The following RBFOX1 variants were observed in gnomAD, a reference collection of about 807,000 sequenced individuals.
RBFOX1 encodes RNA binding protein fox-1 homolog 1.
Under a neutral mutation model 57.7 loss-of-function variants are expected in RBFOX1, and 8 were observed. That is an observed-to-expected ratio of 0.14 (90% CI 0.08 to 0.25). The LOEUF (loss-of-function observed/expected upper bound fraction) is 0.25, where lower values mean the gene tolerates loss of function less well. Ranked by LOEUF, RBFOX1 falls within the 10% of genes least tolerant of loss-of-function variation. The pLI, the probability that RBFOX1 is intolerant of heterozygous loss-of-function variation, is 1.00. For missense variants in RBFOX1, 611 were observed against 548.5 expected, an observed-to-expected ratio of 1.11 and a Z score of -1.14; for synonymous variants, 326 against 222.4, an observed-to-expected ratio of 1.47 and a Z score of -4.15.
intron 3 of RBFOX1, chr16:6,983,666 A>G (rs1283115164): frequency 6.6e-6 from 1 of 152,228 alleles, no homozygotes; most frequent in Non-Finnish European, 1.5e-5. Context: ...TTGGGAGAAG[A>G]GGCAAGGCCT....
chr16:6,789,803 A>G (rs1002766846), intron 3 of RBFOX1, among the ~76,000 whole-genome samples: 1 of 151,800 alleles, frequency 6.6e-6, no homozygotes, highest in Non-Finnish European at 1.5e-5. Flanking sequence ...TCCTCTTGTA[A>G]TTTCTCATTT....
intron 4 of RBFOX1, among the ~76,000 whole-genome samples, chr16:7,200,066 C>T (rs754607857): frequency 2.6e-5 from 4 of 152,158 alleles, no homozygotes; most frequent in African/African-American, 7.2e-5. Context: ...ATCTAAAAGT[C>T]AGATACTAGT....
intron 3 of RBFOX1, among the ~76,000 whole-genome samples, chr16:7,023,564 TAAAAAAAAAAAA>T (rs34056673): frequency 1.6e-4 from 7 of 43,916 alleles, no homozygotes; most frequent in Non-Finnish European, 2.4e-4. Flanking sequence ...TCGTCTGTAC[TAAAAAAAAAAAA>T]AAAAAAAAAA....
At chr16:6,187,881 A>G (rs563035245) in intron 1 of RBFOX1, among the ~76,000 whole-genome samples, 1 of 152,250 alleles carries the variant, frequency 6.6e-6, no homozygotes, top group Admixed American at 6.5e-5. Context: ...ACATGTGTTA[A>G]CCTTAGAATG....
chr16:5,560,338 C>T (rs773913176), intron 2 of RBFOX1, among the ~76,000 whole-genome samples: 2 of 152,098 alleles, frequency 1.3e-5, no homozygotes, highest in African/African-American at 4.8e-5. Context: ...TAGTCACCTC[C>T]TCTAGGAACC....
At chr16:5,768,519 A>G (rs1317852684) in intron 3 of RBFOX1, among the ~76,000 whole-genome samples, 1 of 152,178 alleles carries the variant, frequency 6.6e-6, no homozygotes, top group East Asian at 1.9e-4. Context: ...AAAATGCAGA[A>G]TACCATTTTT....
intron 5 of RBFOX1, among the ~76,000 whole-genome samples, chr16:7,537,023 G>T (rs1049615719): frequency 6.6e-6 from 1 of 152,194 alleles, no homozygotes; most frequent in Non-Finnish European, 1.5e-5. Flanking sequence ...ACAGAGCCCT[G>T]CTGGCCTCAT....
intron 3 of RBFOX1, among the ~76,000 whole-genome samples, chr16:6,888,439 A>G (rs1239017837): frequency 1.3e-5 from 2 of 152,166 alleles, no homozygotes; most frequent in South Asian, 2.1e-4. Flanking sequence ...TGTTCTCTTT[A>G]TATAGTCACT....
At chr16:6,244,197 T>C (rs2097556236) in intron 1 of RBFOX1, among the ~76,000 whole-genome samples, 1 of 152,172 alleles carries the variant, frequency 6.6e-6, no homozygotes, top group South Asian at 2.1e-4. Flanking sequence ...CATTTTTTTT[T>C]TTTTAACTAA....
At chr16:5,849,356 A>C (rs564456104) in intron 3 of RBFOX1, among the ~76,000 whole-genome samples, 1 of 152,182 alleles carries the variant, frequency 6.6e-6, no homozygotes, top group Non-Finnish European at 1.5e-5. Context: ...AGGTTACTGA[A>C]ATCACCATGA....
At chr16:7,271,750 C>A (rs561752265) in intron 4 of RBFOX1, among the ~76,000 whole-genome samples, 125 of 151,996 alleles carry the variant, frequency 8.2e-4, no homozygotes, top group African/African-American at 2.9e-3. Flanking sequence ...TCTAGAAAGC[C>A]ACAGTAGTTC....
At chr16:5,795,785 A>C (rs967386187) in intron 3 of RBFOX1, among the ~76,000 whole-genome samples, 2 of 152,136 alleles carry the variant, frequency 1.3e-5, no homozygotes, top group Admixed American at 6.5e-5. Context: ...AAGATAAACA[A>C]TCCCATTCTC....
At chr16:6,272,972 A>T (rs558282096) in intron 1 of RBFOX1, among the ~76,000 whole-genome samples, 2 of 152,178 alleles carry the variant, frequency 1.3e-5, no homozygotes, top group Non-Finnish European at 2.9e-5. Flanking sequence ...TAGTAAAGAA[A>T]AAAGAGGCCC....
intron 4 of RBFOX1, among the ~76,000 whole-genome samples, chr16:7,483,958 C>A (rs1001571848): frequency 6.6e-6 from 1 of 152,226 alleles, no homozygotes; most frequent in Non-Finnish European, 1.5e-5. Context: ...CACTACAGTT[C>A]CTTGACCTTA....
intron 4 of RBFOX1, among the ~76,000 whole-genome samples, chr16:7,379,221 T>C (rs942784563): frequency 6.6e-6 from 1 of 152,146 alleles, no homozygotes; most frequent in African/African-American, 2.4e-5. Flanking sequence ...TGAGACTGAA[T>C]GACGTTTAGC....
intron 1 of RBFOX1, among the ~76,000 whole-genome samples, chr16:5,292,686 C>T (rs527788585): frequency 3.3e-5 from 5 of 152,120 alleles, no homozygotes; most frequent in African/African-American, 7.2e-5. Context: ...TTCAGTGGCA[C>T]GATCTCGGCT....
intron 2 of RBFOX1, among the ~76,000 whole-genome samples, chr16:6,372,601 G>A (rs1421497550): frequency 2.0e-5 from 3 of 150,992 alleles, no homozygotes; most frequent in African/African-American, 7.3e-5. Context: ...TGGAAGGATA[G>A]TTCATTGGGA....
chr16:7,710,858 ATACAAAT>A lies in RBFOX1; in HGVS notation c.*114_*120del. ...TTTAGCAACTCTAAAAAAAAAAAAA[ATACAAAT>A]AAAAAGGAAAAAAAATTACATTTTT... On this transcript the variant is annotated 3_prime_UTR_variant, in exon 16 of 16. Transcript: ENST00000550418. The A allele has an allele frequency of 2.9e-6, 3 of 1,043,142 alleles. No homozygotes were observed. Among genetic ancestry groups the A allele is most frequent in the Non-Finnish European group, 3.8e-6 (3 of 795,328 alleles). The allele number at this position is 1,043,142 out of a possible 1,614,324, so 64.6% of individuals were successfully genotyped here.
intron 14 of RBFOX1, among the ~76,000 whole-genome samples, chr16:7,698,051 A>C (rs1020023633): frequency 6.6e-6 from 1 of 152,132 alleles, no homozygotes. Context: ...TAAACAGGCC[A>C]AGTGTGTTCT....
Sources: gnomAD v4.1 joint callset for allele counts (sites outside exome capture counted in the v4.1 genomes callset) on GRCh38, gnomAD v4.1.1 for gene constraint, MANE v1.5 for transcripts, NCBI Gene and HGNC (gene_info 2026-07-23, HGNC 2026-07-21) for gene names.